Variants in AKAP13 observed in about 807,000 individuals in gnomAD.
AKAP13 encodes A-kinase anchoring protein 13, also known as A-kinase anchor protein 13.
A neutral mutation model predicts 264.5 loss-of-function variants in AKAP13; 80 were observed. The observed-to-expected ratio is 0.30, with a 90% CI of 0.25 to 0.36. The LOEUF is 0.36. AKAP13 is among the 10% of genes least tolerant of loss of function. The pLI is 1.00. For missense variants in AKAP13, 3,712 were observed against 3,435.2 expected, an observed-to-expected ratio of 1.08 and a Z score of -2.01; for synonymous variants, 1,380 against 1,250.2, an observed-to-expected ratio of 1.10 and a Z score of -2.19.
chr15:85,461,413 G>A (rs1447982226), intron 1 of AKAP13, among the ~76,000 whole-genome samples: 1 of 152,156 alleles, frequency 6.6e-6, no homozygotes, highest in Non-Finnish European at 1.5e-5. Flanking sequence ...ACTGCGCCCG[G>A]CCCGTTATAA....
rs996351681 is a variant in AKAP13, at chr15:85,710,505, T to C, written c.5533-74T>C. The C allele has an allele frequency of 1.6e-5, 23 of 1,444,840 alleles. No individual in the cohort carries two copies. In the African/African-American group the frequency reaches 3.2e-4, roughly 20 times the overall value. 89.5% of individuals were successfully genotyped at this position (1,444,840 alleles called of 1,614,324 possible). A position where few individuals can be genotyped will look rare whatever the true frequency, so the allele number is the denominator to read the frequency against. ...GAGTGGGAAAGGAAGCTGAACTGCT[T>C]GCTCCCTTCCTACTCGGCTTCTCAG... On this transcript the variant is annotated intron_variant, in intron 18 of 36. Coordinates refer to ENST00000394518, the MANE Select transcript of AKAP13 (RefSeq NM_007200.5).
intron 29 of AKAP13, among the ~76,000 whole-genome samples, chr15:85,729,184 A>G (rs1162950985): frequency 6.6e-6 from 1 of 152,084 alleles, no homozygotes; most frequent in African/African-American, 2.4e-5. Context: ...CTGTAATCCC[A>G]GCTACTTAGG....
intron 25 of AKAP13, 97 bp downstream of exon 25, chr15:85,722,444 T>C (rs952200575): frequency 4.9e-6 from 5 of 1,013,808 alleles, no homozygotes; most frequent in African/African-American, 1.6e-5. Context: ...TTTCATGCTT[T>C]AGTATGTCTA....
chr15:85,674,100 T>C lies in AKAP13; in HGVS notation c.5101+4270T>C, dbSNP rs187806291. Among the ~76,000 whole-genome samples, 1,231 of 151,988 alleles carry C rather than the reference T, an allele frequency of 8.1e-3. 6 individuals carry two copies. The highest frequency in any genetic ancestry group is 0.014 in the South Asian group (68 of 4,792). The stretch of plus-strand genomic sequence containing the variant: ...GATTGCATCCCTGGAAACACATTAG[T>C]GGTGATAATGTTGAAAGGGGAATTG... On this transcript the variant is annotated intron_variant, in intron 14 of 36. Coordinates refer to ENST00000394518, the MANE Select transcript of AKAP13 (RefSeq NM_007200.5).
chr15:85,526,347 C>G (rs2077042243), intron 3 of AKAP13, among the ~76,000 whole-genome samples: 1 of 152,068 alleles, frequency 6.6e-6, no homozygotes, highest in Non-Finnish European at 1.5e-5. Flanking sequence ...GCAGGCTTGA[C>G]TTCCCAGGCT....
Position 85,723,170 on chromosome 15 carries a change from G to C in AKAP13, c.6595G>C (p.Val2199Leu). ...CAAAGTGGCAAGTTATGAAAAGAAA[G>C]TGCGTCTCAATGAGATTTATACAAA... ...DSKVASYEKK[V>L]RLNEIYTKTD... Residue 2199 changes from valine to leucine, a missense_variant, in exon 26 of 37, where the codon GTG becomes CTG. Val to Leu is a conservative substitution (Grantham distance 32). Coordinates refer to ENST00000394518, the MANE Select transcript of AKAP13 (RefSeq NM_007200.5). 1 of 1,614,158 alleles carries C rather than the reference G, an allele frequency of 6.2e-7. No homozygotes were observed. Among genetic ancestry groups the C allele is most frequent in the East Asian group, 2.2e-5 (1 of 44,880 alleles).
Position 85,544,053 on chromosome 15 carries a change from C to T in AKAP13, c.662+98C>T, listed in dbSNP as rs764447678. 1.7e-4 allele frequency: 248 copies of T among 1,445,496 alleles called. 1 individual carries two copies. Among genetic ancestry groups the T allele is most frequent in the South Asian group, 1.9e-4 (16 of 85,186 alleles). The allele number at this position is 1,445,496 out of a possible 1,614,324, so 89.5% of individuals were successfully genotyped here. A position where few individuals can be genotyped will look rare whatever the true frequency, so the allele number is the denominator to read the frequency against. ...ACTTGGCATCTCATTGTGTGTTTGC[C>T]GCAAATTAAAACCTCAGCTCTGTAT... On this transcript the variant is annotated intron_variant, in intron 5 of 36. Transcript: ENST00000394518.
intron 8 of AKAP13, 43 bp from the exon 9 acceptor site, chr15:85,639,331 A>G (rs765599788): frequency 5.1e-5 from 71 of 1,396,974 alleles, no homozygotes; most frequent in Non-Finnish European, 6.8e-5. Context: ...ATTATCTCAC[A>G]TTACTTCAAT....
intron 3 of AKAP13, among the ~76,000 whole-genome samples, chr15:85,525,837 TGTTCATTTTTATTAATGAA>T (rs2077020352): frequency 6.6e-6 from 1 of 152,206 alleles, no homozygotes; most frequent in South Asian, 2.1e-4. Context: ...TGTTTTATTG[TGTTCATTTTTATTAATGAA>T]ACTGTGAATT....
rs1567102378 is a variant in AKAP13, at chr15:85,521,414, GTTTCC to G, written c.34-7_34-3del. 1.2e-6 allele frequency: 2 copies of G among 1,613,232 alleles called. No individual in the cohort carries two copies. ...CTTACTAATGTAAACTTGCTATATT[GTTTCC>G]TTTCCTAGGGTGATTGTGTTGTTAC... is the stretch of plus-strand genomic sequence containing the variant. On this transcript the variant is annotated splice_polypyrimidine_tract_variant and intron_variant, in intron 2 of 36. Coordinates refer to ENST00000394518, the MANE Select transcript of AKAP13 (RefSeq NM_007200.5).
chr15:85,460,141 C>T (rs145379390), intron 1 of AKAP13, among the ~76,000 whole-genome samples: 1 of 152,176 alleles, frequency 6.6e-6, no homozygotes, highest in Non-Finnish European at 1.5e-5. Context: ...TCCCATTGCA[C>T]CTGGAGTCAA....
chr15:85,746,624 A>G lies in AKAP13; in HGVS notation c.*1947A>G, dbSNP rs1196638062. ...AAGGCCAAAACCTGCTGATTTTTCT[A>G]TTGAAAATATGTCCCCTTGCAAAGA... On this transcript the variant is annotated 3_prime_UTR_variant, in exon 37 of 37. Coordinates refer to ENST00000394518, the MANE Select transcript of AKAP13 (RefSeq NM_007200.5). 6.6e-6 allele frequency: 1 copy of G among 152,178 alleles called. No individual in the cohort carries two copies. The highest frequency in any genetic ancestry group is 1.5e-5 in the Non-Finnish European group (1 of 68,024). The allele number at this position is 152,178 out of a possible 1,614,324, so 9.4% of individuals were successfully genotyped here.
Position 85,555,660 on chromosome 15 carries a change from C to T in AKAP13, c.662+11705C>T, listed in dbSNP as rs141899092. ...CTTCTCTGCAGTTAAGTTAATTTGA[C>T]TGGGTTTTCTATGTATGTTAGCATA... On this transcript the variant is annotated intron_variant, in intron 5 of 36. Transcript: ENST00000394518. Among the ~76,000 whole-genome samples, 969 of 152,350 alleles carry T rather than the reference C, an allele frequency of 6.4e-3. 11 individuals carry two copies. Among genetic ancestry groups the T allele is most frequent in the African/African-American group, 0.022 (908 of 41,582 alleles).
At chr15:85,479,841 A>T (rs1272585041) in intron 1 of AKAP13, among the ~76,000 whole-genome samples, 1 of 152,190 alleles carries the variant, frequency 6.6e-6, no homozygotes, top group Non-Finnish European at 1.5e-5. Flanking sequence ...GTGGCTAAAG[A>T]ATAGTGAATT....
intron 3 of AKAP13, among the ~76,000 whole-genome samples, chr15:85,525,597 A>G (rs566871237): frequency 6.6e-6 from 1 of 152,364 alleles, no homozygotes; most frequent in South Asian, 2.1e-4. Context: ...ATGGAAGTAT[A>G]CTTCTAGTAA....
At chr15:85,615,464 C>G (rs1317758101) in intron 8 of AKAP13, among the ~76,000 whole-genome samples, 1 of 152,210 alleles carries the variant, frequency 6.6e-6, no homozygotes, top group East Asian at 1.9e-4. Context: ...GTATTTTCTT[C>G]TTTCACCTCT....
At chr15:85,486,173 TCATCTCCCTAAAGTGAGGGA>T (rs1220301020) in intron 2 of AKAP13, among the ~76,000 whole-genome samples, 29 of 152,356 alleles carry the variant, frequency 1.9e-4, no homozygotes, top group Middle Eastern at 3.4e-3. Flanking sequence ...TCTTTAGGAC[TCATCTCCCTAAAGTGAGGGA>T]CTTCCCTCAT....
chr15:85,744,820 C>A lies in AKAP13; in HGVS notation c.*143C>A. ...CTCCTGGGCGGCCCCAGGTCCTGGA[C>A]AATAAGCAACAGATGATATTGAGTG... On this transcript the variant is annotated 3_prime_UTR_variant, in exon 37 of 37. Transcript: ENST00000394518. 1.5e-6 allele frequency: 1 copy of A among 659,996 alleles called. No homozygotes were observed. The highest frequency in any genetic ancestry group is 2.5e-6 in the Non-Finnish European group (1 of 396,614). The allele number at this position is 659,996 out of a possible 1,614,324, so 40.9% of individuals were successfully genotyped here. A position where few individuals can be genotyped will look rare whatever the true frequency, so the allele number is the denominator to read the frequency against.
At chr15:85,595,143 A>G (rs1321372046) in intron 8 of AKAP13, among the ~76,000 whole-genome samples, 1 of 152,100 alleles carries the variant, frequency 6.6e-6, no homozygotes, top group East Asian at 1.9e-4. Context: ...TTTGTTGCCC[A>G]GGTTGGAGTG....
Sources: allele counts gnomAD v4.1 joint callset (sites outside exome capture counted in the v4.1 genomes callset), GRCh38; gene constraint gnomAD v4.1.1; transcripts MANE v1.5; gene names NCBI Gene and HGNC (gene_info 2026-07-23, HGNC 2026-07-21).